MAOB: variants seen among roughly 807,000 people sequenced by gnomAD.
MAOB encodes amine oxidase [flavin-containing] B.
Under a neutral mutation model 41.9 loss-of-function variants are expected in MAOB, and 15 were observed. That is an observed-to-expected ratio of 0.36 (90% CI 0.24 to 0.55). The LOEUF is 0.55. Ranked by LOEUF, MAOB falls within the 20% of genes least tolerant of loss-of-function variation. MAOB has a pLI of 0.86. For synonymous variants in MAOB, 167 were observed against 144.2 expected (o/e 1.16, Z -1.13); for missense variants, 345 against 398.7 (o/e 0.87, Z 1.15).
chrX:43,802,952 A>C (rs2034615147), intron 4 of MAOB, among the ~76,000 whole-genome samples: 4 of 111,699 alleles, frequency 3.6e-5, no homozygotes, highest in Non-Finnish European at 5.6e-5. Flanking sequence ...AAAAGAAAAA[A>C]AATGCTTTAT....
intron 6 of MAOB, among the ~76,000 whole-genome samples, chrX:43,796,921 C>T (rs1023658970): frequency 8.9e-6 from 1 of 111,827 alleles, no homozygotes; most frequent in African/African-American, 3.3e-5. Flanking sequence ...ACAAGCCTAG[C>T]TTTAAAATTA....
intron 8 of MAOB, among the ~76,000 whole-genome samples, chrX:43,783,064 C>T (rs2034355152): frequency 8.9e-6 from 1 of 112,150 alleles, no homozygotes; most frequent in African/African-American, 3.2e-5. Flanking sequence ...CGGAAGCATT[C>T]TCTTTGAAAA....
intron 10 of MAOB, among the ~76,000 whole-genome samples, chrX:43,779,864 A>C (rs893722201): frequency 4.5e-5 from 5 of 111,712 alleles, no homozygotes; most frequent in Admixed American, 1.9e-4. Context: ...ACTAATTGCA[A>C]GAAGAAATTG....
At chrX:43,877,298 C>T (rs2035446037) in intron 1 of MAOB, among the ~76,000 whole-genome samples, 1 of 110,733 alleles carries the variant, frequency 9.0e-6, no homozygotes, top group Admixed American at 9.6e-5. Context: ...TGACCATTGT[C>T]AATGCCAAGC....
intron 5 of MAOB, among the ~76,000 whole-genome samples, chrX:43,801,784 T>C (rs780379882): frequency 8.8e-6 from 1 of 113,267 alleles, no homozygotes; most frequent in South Asian, 3.6e-4. Flanking sequence ...TCACACAAGG[T>C]GTGGCAAATG....
chrX:43,805,876 T>C (rs772017427), intron 3 of MAOB, among the ~76,000 whole-genome samples: 1 of 112,483 alleles, frequency 8.9e-6, no homozygotes. Context: ...TGCTTTACAT[T>C]ACCAACAGCA....
chrX:43,817,147 T>C (rs909333549), intron 3 of MAOB, among the ~76,000 whole-genome samples: 1 of 107,282 alleles, frequency 9.3e-6, no homozygotes, highest in Admixed American at 1.0e-4. Flanking sequence ...TTTCTCTCTC[T>C]CTCTCTCTGC....
intron 12 of MAOB, among the ~76,000 whole-genome samples, chrX:43,770,940 T>C (rs2034174415): frequency 8.9e-6 from 1 of 111,785 alleles, no homozygotes; most frequent in African/African-American, 3.3e-5. Flanking sequence ...CATGCCATTA[T>C]TCATCCTGTC....
chrX:43,780,413 GA>G lies in MAOB; in HGVS notation c.1026-19del. The G allele has an allele frequency of 1.7e-6, 2 of 1,144,408 alleles. No homozygotes were observed. The highest frequency in any genetic ancestry group is 2.4e-6 in the Non-Finnish European group (2 of 837,566). The allele number at this position is 1,144,408 out of a possible 1,213,427, so 94.3% of individuals were successfully genotyped here. On this transcript the variant is annotated intron_variant, in intron 9 of 14. Coordinates refer to ENST00000378069, the MANE Select transcript of MAOB (RefSeq NM_000898.5). The stretch of plus-strand genomic sequence containing the variant: ...GGATAAATCTAAAGAATATAAACAA[GA>G]AAAAGGGGAGAAATTAATGGTTGGT...
At chrX:43,801,126 CTT>C (rs543914966) in intron 5 of MAOB, among the ~76,000 whole-genome samples, 7 of 100,812 alleles carry the variant, frequency 6.9e-5, no homozygotes, top group African/African-American at 2.5e-4. Flanking sequence ...CCTCTCTCTT[CTT>C]TTTTTTTTTT....
intron 1 of MAOB, among the ~76,000 whole-genome samples, chrX:43,869,525 G>A (rs778041514): frequency 9.0e-6 from 1 of 111,482 alleles, no homozygotes; most frequent in South Asian, 3.8e-4. Flanking sequence ...GAATCTTTAG[G>A]ACCCCAAAGT....
At chrX:43,850,515 C>T (rs982120729) in intron 1 of MAOB, 1 of 743,474 alleles carries the variant, frequency 1.3e-6, no homozygotes, top group Non-Finnish European at 1.6e-6. Context: ...GCACCAGTCA[C>T]AATTTTGGGG....
rs149278003 is a variant in MAOB at position 43,781,889 on chromosome X, A to G, written c.929-345T>C. The stretch of plus-strand genomic sequence containing the variant: ...AATCAGAATAAATCCAAAGATGTGT[A>G]AAGGAAATACCAGTTCATTACTGTA... On this transcript the variant is annotated intron_variant, in intron 8 of 14. Coordinates refer to ENST00000378069, the MANE Select transcript of MAOB (RefSeq NM_000898.5). Among the ~76,000 whole-genome samples, 634 of 112,135 alleles carry G rather than the reference A, an allele frequency of 5.7e-3. 3 individuals carry two copies. Among genetic ancestry groups the G allele is most frequent in the African/African-American group, 0.019 (598 of 30,917 alleles).
chrX:43,875,757 G>A (rs1019177819), intron 1 of MAOB, among the ~76,000 whole-genome samples: 1 of 110,801 alleles, frequency 9.0e-6, no homozygotes, highest in Non-Finnish European at 1.9e-5. Flanking sequence ...AAATAACAAA[G>A]TTAACATTTA....
At chrX:43,819,497 G>A (rs899912316) in intron 3 of MAOB, among the ~76,000 whole-genome samples, 1 of 111,405 alleles carries the variant, frequency 9.0e-6, no homozygotes. Context: ...GGCCACCCCT[G>A]CCTTCTTGCC....
intron 1 of MAOB, among the ~76,000 whole-genome samples, chrX:43,860,152 C>T (rs1006016850): frequency 8.9e-6 from 1 of 111,761 alleles, no homozygotes; most frequent in African/African-American, 3.3e-5. Context: ...CTGGATTCTT[C>T]TCTTCCCAAC....
chrX:43,819,237 G>A (rs1384463771), intron 3 of MAOB, among the ~76,000 whole-genome samples: 1 of 111,738 alleles, frequency 8.9e-6, no homozygotes, highest in Non-Finnish European at 1.9e-5. Context: ...CAGTTACTCG[G>A]AGTGCTATTG....
intron 8 of MAOB, among the ~76,000 whole-genome samples, chrX:43,786,619 A>G (rs1184510039): frequency 8.9e-6 from 1 of 112,023 alleles, no homozygotes; most frequent in Non-Finnish European, 1.9e-5. Context: ...CATCTTAGGA[A>G]TCCCCTAATA....
At chrX:43,781,899 C>T (rs753154930) in intron 8 of MAOB, among the ~76,000 whole-genome samples, 1 of 111,840 alleles carries the variant, frequency 8.9e-6, no homozygotes, top group East Asian at 2.8e-4. Flanking sequence ...AAAGGAAATA[C>T]CAGTTCATTA....
Sources: gnomAD v4.1 joint callset for allele counts (sites outside exome capture counted in the v4.1 genomes callset) on GRCh38, gnomAD v4.1.1 for gene constraint, MANE v1.5 for transcripts, NCBI Gene and HGNC (gene_info 2026-07-23, HGNC 2026-07-21) for gene names.